Variants in GABRG3 observed in about 807,000 individuals in gnomAD.
GABRG3 encodes gamma-aminobutyric acid receptor subunit gamma-3.
A neutral mutation model predicts 48.8 loss-of-function variants in GABRG3; 25 were observed. The observed-to-expected ratio is 0.51, with a 90% CI of 0.37 to 0.72. The LOEUF is 0.72. Ranked by LOEUF, GABRG3 falls within the 30% of genes least tolerant of loss-of-function variation. GABRG3 has a pLI of 0.00. For missense variants in GABRG3, 394 were observed against 577.9 expected (o/e 0.68, Z 3.26); for synonymous variants, 227 against 217.6 (o/e 1.04, Z -0.38).
chr15:27,316,122 CG>C (rs2140510980), intron 3 of GABRG3, among the ~76,000 whole-genome samples: 1 of 152,258 alleles, frequency 6.6e-6, no homozygotes, highest in South Asian at 2.1e-4. Flanking sequence ...CGGTGGCTCA[CG>C]CCTGTAATCC....
chr15:26,972,829 A>C (rs571563147), intron 1 of GABRG3, among the ~76,000 whole-genome samples: 48 of 152,200 alleles, frequency 3.2e-4, no homozygotes, highest in African/African-American at 1.1e-3. Flanking sequence ...CCCCCTTGCA[A>C]CTGCTCCTCT....
intron 3 of GABRG3, among the ~76,000 whole-genome samples, chr15:27,200,927 C>G (rs1287861918): frequency 6.6e-6 from 1 of 152,068 alleles, no homozygotes; most frequent in East Asian, 1.9e-4. Context: ...CTGTCTTCAG[C>G]TTTTTAGCTC....
rs190040714 is a variant in GABRG3 at position 27,162,578 on chromosome 15, T to A, written c.270+135757T>A. Among the ~76,000 whole-genome samples the A allele has an allele frequency of 3.9e-4, 60 of 152,164 alleles. 2 individuals carry two copies. In the East Asian group the frequency reaches 0.011, roughly 28 times the overall value. ...CTGGCAGTAATGGATATCAATGGTATCCAATGGAGAAACACGCCAAATGGA... is the reference window on the plus strand; with the variant it reads ...CTGGCAGTAATGGATATCAATGGTAACCAATGGAGAAACACGCCAAATGGA... On this transcript the variant is annotated intron_variant, in intron 3 of 9. Coordinates refer to ENST00000615808, the MANE Select transcript of GABRG3 (RefSeq NM_033223.5).
At chr15:27,039,969 TC>T (rs1392608970) in intron 3 of GABRG3, among the ~76,000 whole-genome samples, 2 of 152,034 alleles carry the variant, frequency 1.3e-5, no homozygotes, top group African/African-American at 4.8e-5. Flanking sequence ...CTGGGACACT[TC>T]TTCTCTTTTC....
chr15:27,145,052 A>G (rs1210506233), intron 3 of GABRG3, among the ~76,000 whole-genome samples: 1 of 152,222 alleles, frequency 6.6e-6, no homozygotes. Context: ...TTGATATCAC[A>G]AGATTTGCCA....
At chr15:27,274,514 C>T (rs1891188992) in intron 3 of GABRG3, among the ~76,000 whole-genome samples, 1 of 152,150 alleles carries the variant, frequency 6.6e-6, no homozygotes, top group African/African-American at 2.4e-5. Flanking sequence ...AGACCAGCCT[C>T]ACCACAGCAA....
chr15:27,253,356 G>C (rs548128338), intron 3 of GABRG3, among the ~76,000 whole-genome samples: 13 of 152,288 alleles, frequency 8.5e-5, no homozygotes, highest in South Asian at 6.2e-4. Flanking sequence ...GGGTCATGGT[G>C]GCTGCCACCC....
intron 3 of GABRG3, among the ~76,000 whole-genome samples, chr15:27,321,634 C>G (rs953673499): frequency 1.5e-4 from 23 of 152,178 alleles, no homozygotes; most frequent in Non-Finnish European, 2.6e-4. Flanking sequence ...GCTTCTTTTC[C>G]TGATTTGTTT....
chr15:27,287,295 G>A (rs1367927804), intron 3 of GABRG3, among the ~76,000 whole-genome samples: 1 of 152,120 alleles, frequency 6.6e-6, no homozygotes, highest in African/African-American at 2.4e-5. Context: ...AGAAAAATGG[G>A]CCAAAGGTAT....
chr15:27,256,251 G>T (rs963922007), intron 3 of GABRG3, among the ~76,000 whole-genome samples: 20 of 151,692 alleles, frequency 1.3e-4, no homozygotes, highest in African/African-American at 4.8e-4. Flanking sequence ...GACCATCCTG[G>T]CTAACATGGT....
rs776659841 is a variant in GABRG3 at position 26,976,147 on chromosome 15, C to T, written c.54-855C>T. On this transcript the variant is annotated intron_variant, in intron 1 of 9. Transcript: ENST00000615808. This position sits in a 1 kb window ranked among gnomAD's most constrained non-coding sequence, Gnocchi z 7.8. ...AAAAAAAAAAAAAGGGAAAACTAGC[C>T]GGTCATCCTGAGGCCTCTCCATTCA... Among the ~76,000 whole-genome samples, 11 of 151,938 alleles carry T rather than the reference C, an allele frequency of 7.2e-5. 1 individual carries two copies. Among genetic ancestry groups the T allele is most frequent in the South Asian group, 2.1e-4 (1 of 4,806 alleles).
chr15:27,312,580 A>G (rs1893032877), intron 3 of GABRG3, among the ~76,000 whole-genome samples: 1 of 152,094 alleles, frequency 6.6e-6, no homozygotes, highest in Admixed American at 6.6e-5. Context: ...CCCCCATAAA[A>G]CTGTGAGTGG....
intron 5 of GABRG3, among the ~76,000 whole-genome samples, chr15:27,396,012 C>T (rs2140581426): frequency 6.6e-6 from 1 of 152,248 alleles, no homozygotes; most frequent in South Asian, 2.1e-4. Context: ...AAGTGCACAT[C>T]ACCATGCCTG....
intron 3 of GABRG3, among the ~76,000 whole-genome samples, chr15:27,095,412 G>T (rs964765417): frequency 1.9e-4 from 29 of 152,158 alleles, no homozygotes; most frequent in Admixed American, 3.3e-4. Flanking sequence ...CTTGCGACAG[G>T]TGTGGGAAAC....
intron 3 of GABRG3, among the ~76,000 whole-genome samples, chr15:27,242,037 G>A (rs935815002): frequency 3.9e-5 from 6 of 152,162 alleles, no homozygotes; most frequent in African/African-American, 1.2e-4. Flanking sequence ...TGGAACCCAG[G>A]TTTCTCCCTC....
intron 5 of GABRG3, among the ~76,000 whole-genome samples, chr15:27,456,132 A>G (rs1156746750): frequency 2.0e-5 from 3 of 152,090 alleles, no homozygotes; most frequent in African/African-American, 4.8e-5. Context: ...CTGACTCACT[A>G]TGACCAGGTG....
chr15:27,523,207 A>G (rs1891198054), intron 7 of GABRG3, among the ~76,000 whole-genome samples: 2 of 151,874 alleles, frequency 1.3e-5, no homozygotes, highest in South Asian at 4.1e-4. Flanking sequence ...GAAAACTTTA[A>G]AACATTTCTG....
chr15:27,051,527 C>T (rs933681495), intron 3 of GABRG3, among the ~76,000 whole-genome samples: 1 of 152,140 alleles, frequency 6.6e-6, no homozygotes, highest in African/African-American at 2.4e-5. Context: ...AGGGTGGAGG[C>T]CCCACACATG....
intron 3 of GABRG3, among the ~76,000 whole-genome samples, chr15:27,128,052 A>G (rs1595539886): frequency 2.6e-5 from 4 of 152,140 alleles, no homozygotes. Flanking sequence ...ATAAAGGGAA[A>G]CCTTTCATCC....
Sources: allele counts gnomAD v4.1 joint callset (sites outside exome capture counted in the v4.1 genomes callset), GRCh38; gene constraint gnomAD v4.1.1; non-coding constraint Gnocchi (gnomAD v3.1); transcripts MANE v1.5; gene names NCBI Gene and HGNC (gene_info 2026-07-23, HGNC 2026-07-21).